The following PLEKHG4B variants were observed in gnomAD, a reference collection of about 807,000 sequenced individuals.
The protein encoded by PLEKHG4B is pleckstrin homology domain-containing family G member 4B.
PLEKHG4B carries 111 observed loss-of-function variants against 121.3 expected under a neutral mutation model. The observed-to-expected ratio is 0.92, with a 90% CI of 0.78 to 1.07. The LOEUF (loss-of-function observed/expected upper bound fraction) is 1.07. Among genes scored for constraint, PLEKHG4B ranks in the 50% least tolerant of loss-of-function variants. The pLI is 0.00. For missense variants in PLEKHG4B, 1,831 were observed against 1,757.8 expected (o/e 1.04, Z -0.74); for synonymous variants, 738 against 725.0 (o/e 1.02, Z -0.29).
chr5:143,438 G>A lies in PLEKHG4B; in HGVS notation c.1746G>A (p.Trp582Ter). The change falls in exon 5 of 20, where the codon TGG becomes TGA. Residue 582 changes from tryptophan to a stop codon, truncating the protein, a stop_gained. Coordinates refer to ENST00000637938, the MANE Select transcript of PLEKHG4B (RefSeq NM_052909.5). LOFTEE classifies it high-confidence loss of function. ...AGGTCCGCACCAGGAGCCTGCTCTG[G>A]ACCAGGGAACACTCGTCCTGTGCTG... ...VVQVRTRSLL[W>*]TREHSSCAEL... 2.5e-6 allele frequency: 4 copies of A among 1,612,904 alleles called. No homozygotes were observed. The highest frequency in any genetic ancestry group is 3.4e-6 in the Non-Finnish European group (4 of 1,180,002).
At chr5:169,185 T>G (rs1736452072) in intron 13 of PLEKHG4B, 155 bp from the exon 14 acceptor site, 3 of 1,050,742 alleles carry the variant, frequency 2.9e-6, no homozygotes, top group Non-Finnish European at 2.7e-6. Context: ...GAAGCTTTTT[T>G]ATCGTGCATC....
chr5:99,170 G>GTATATATATATATA (rs534174768), intron 1 of PLEKHG4B, among the ~76,000 whole-genome samples: 10 of 100,496 alleles, frequency 1.0e-4, no homozygotes, highest in South Asian at 3.6e-4. Context: ...AAAAAAAAGT[G>GTATATATATATATA]TATATATATA....
chr5:177,263 C>T (rs1282808470), intron 18 of PLEKHG4B, among the ~76,000 whole-genome samples: 2 of 152,288 alleles, frequency 1.3e-5, no homozygotes, highest in Middle Eastern at 3.4e-3. Context: ...TTTAGGACTA[C>T]AGGCTTTCCC....
Position 159,213 on chromosome 5 carries a change from G to A in PLEKHG4B, c.2487+2302G>A, listed in dbSNP as rs1463010811. Among the ~76,000 whole-genome samples the A allele has an allele frequency of 1.7e-5, 2 of 120,774 alleles. No homozygotes were observed. Among genetic ancestry groups the A allele is most frequent in the Non-Finnish European group, 3.4e-5 (2 of 58,488 alleles). 79.2% of individuals were successfully genotyped at this position (120,774 alleles called of 152,430 possible). ...GTGTGCCTGAGGGTGGCCCAGGTGTGCCTGAGGGTCGCCCAGGTGCACTGA... is the reference window on the plus strand; with the variant it reads ...GTGTGCCTGAGGGTGGCCCAGGTGTACCTGAGGGTCGCCCAGGTGCACTGA... On this transcript the variant is annotated intron_variant, in intron 11 of 19. Transcript: ENST00000637938. The surrounding 1 kb of genome is among the most constrained non-coding windows in gnomAD (Gnocchi z 5.5).
chr5:137,850 C>T lies in PLEKHG4B; in HGVS notation c.244-1633C>T, dbSNP rs543879093. Among the ~76,000 whole-genome samples, 4 of 152,354 alleles carry T rather than the reference C, an allele frequency of 2.6e-5. No individual in the cohort carries two copies. The South Asian group carries it at 8.3e-4, about 32-fold the overall frequency. ...GAGGCCCTTATGGACCGGCAGGTACCTGTCTCTTCTGGGGTGAAACCTGTG... is the reference window on the plus strand; with the variant it reads ...GAGGCCCTTATGGACCGGCAGGTACTTGTCTCTTCTGGGGTGAAACCTGTG... On this transcript the variant is annotated intron_variant, in intron 2 of 19. Transcript: ENST00000637938. The surrounding 1 kb of genome is among the most constrained non-coding windows in gnomAD (Gnocchi z 4.2).
At chr5:99,228 G>T (rs1437929510) in intron 1 of PLEKHG4B, among the ~76,000 whole-genome samples, 8 of 136,494 alleles carry the variant, frequency 5.9e-5, no homozygotes, top group African/African-American at 2.2e-4. Flanking sequence ...CGATTTTGGG[G>T]CCCTTGCAAT....
At chr5:98,939 G>C (rs1733713567) in intron 1 of PLEKHG4B, among the ~76,000 whole-genome samples, 1 of 133,108 alleles carries the variant, frequency 7.5e-6, no homozygotes, top group African/African-American at 2.8e-5. Context: ...GGTGGATCAT[G>C]AGGTCAGGAG....
In PLEKHG4B at chr5:189,708, A is replaced by T. The variant is rs1029734796; in HGVS notation, c.*7385A>T. The T allele has an allele frequency of 6.7e-6, 1 of 148,168 alleles. No homozygotes were observed. The highest frequency in any genetic ancestry group is 2.6e-5 in the African/African-American group (1 of 38,094). 9.2% of individuals were successfully genotyped at this position (148,168 alleles called of 1,614,324 possible). A position where few individuals can be genotyped will look rare whatever the true frequency, so the allele number is the denominator to read the frequency against. On this transcript the variant is annotated 3_prime_UTR_variant, in exon 20 of 20. Coordinates refer to ENST00000637938, the MANE Select transcript of PLEKHG4B (RefSeq NM_052909.5). ...CTAAAAGAAGGGAAAACAGTAAGCG[A>T]GAGGGAGGCTGCAGGGGCCCAGACC...
At chr5:135,463 A>T (rs1734930894) in intron 2 of PLEKHG4B, among the ~76,000 whole-genome samples, 1 of 149,810 alleles carries the variant, frequency 6.7e-6, no homozygotes, top group African/African-American at 2.5e-5. Context: ...CAGCAGATCG[A>T]GACCATCCTG....
At chr5:128,026 G>T (rs967881520) in intron 2 of PLEKHG4B, among the ~76,000 whole-genome samples, 4 of 152,164 alleles carry the variant, frequency 2.6e-5, no homozygotes, top group African/African-American at 7.2e-5. Context: ...GGAGTGTTCA[G>T]GTAAAGATAA....
chr5:118,606 A>G (rs1734374497), intron 2 of PLEKHG4B, among the ~76,000 whole-genome samples: 1 of 152,136 alleles, frequency 6.6e-6, no homozygotes. Flanking sequence ...GTTGGAATCA[A>G]CCTCTTCTAA....
rs142558411 is a variant in PLEKHG4B, at chr5:159,012, G to A, written c.2487+2101G>A. Among the ~76,000 whole-genome samples the A allele has an allele frequency of 2.7e-3, 417 of 152,028 alleles. 4 individuals carry two copies. The highest frequency in any genetic ancestry group is 9.5e-3 in the African/African-American group (394 of 41,462). On this transcript the variant is annotated intron_variant, in intron 11 of 19. Coordinates refer to ENST00000637938, the MANE Select transcript of PLEKHG4B (RefSeq NM_052909.5). This position sits in a 1 kb window ranked among gnomAD's most constrained non-coding sequence, Gnocchi z 5.5. The stretch of plus-strand genomic sequence containing the variant: ...TCACTTTAGTTTCCCTTCGCCAGCT[G>A]GAAGGCCCTGCGCCTGTGCTTAGCT...
At chr5:114,018 A>G (rs1173600038) in intron 2 of PLEKHG4B, among the ~76,000 whole-genome samples, 1 of 152,258 alleles carries the variant, frequency 6.6e-6, no homozygotes, top group East Asian at 1.9e-4. Flanking sequence ...TTACGTTTAC[A>G]CTATAGTCTA....
At chr5:155,975 T>G in intron 9 of PLEKHG4B, 96 bp from the exon 10 acceptor site, 1 of 1,263,774 alleles carries the variant, frequency 7.9e-7, no homozygotes, top group Non-Finnish European at 1.1e-6. Context: ...TGCAGCTTGA[T>G]TTATGGAAAC....
chr5:99,201 TATATATATA>T (rs1733727401), intron 1 of PLEKHG4B, among the ~76,000 whole-genome samples: 1 of 132,622 alleles, frequency 7.5e-6, no homozygotes, highest in Non-Finnish European at 1.6e-5. Flanking sequence ...TATATATATA[TATATATATA>T]TATTTTGCGA....
chr5:131,329 C>G (rs939540963), intron 2 of PLEKHG4B, among the ~76,000 whole-genome samples: 8 of 152,164 alleles, frequency 5.3e-5, no homozygotes, highest in African/African-American at 1.9e-4. Flanking sequence ...TCTCATTGTT[C>G]AATTCCCACC....
Position 154,906 on chromosome 5 carries a change from A to T in PLEKHG4B, c.2024A>T (p.His675Leu). The T allele has an allele frequency of 6.2e-7, 1 of 1,613,776 alleles. No individual in the cohort carries two copies. The highest frequency in any genetic ancestry group is 8.5e-7 in the Non-Finnish European group (1 of 1,179,968). ...GTCGTGAGCTCCCTGAAGGCCGTGC[A>T]CAAATTTGTTGACAGCTGCCAGCTG... Reference protein sequence around the residue: ...CEVVSSLKAVHKFVDSCQLTA... With the variant: ...CEVVSSLKAVLKFVDSCQLTA... The change falls in exon 8 of 20, where the codon CAC (histidine) becomes CTC (leucine). Residue 675 changes from histidine (H) to leucine (L), a missense_variant. His to Leu is a moderately conservative substitution (Grantham distance 99). Transcript: ENST00000637938.
intron 6 of PLEKHG4B, among the ~76,000 whole-genome samples, chr5:150,039 C>T (rs1442870390): frequency 3.3e-5 from 5 of 152,184 alleles, no homozygotes; most frequent in Non-Finnish European, 5.9e-5. Context: ...AAATTGAAAG[C>T]AGAGTTTCAG....
intron 2 of PLEKHG4B, among the ~76,000 whole-genome samples, chr5:135,702 T>TATATATATATATATAC (rs1560918243): frequency 1.7e-4 from 14 of 81,516 alleles, no homozygotes; most frequent in African/African-American, 9.0e-4. Flanking sequence ...TATATATATA[T>TATATATATATATATAC]ATATATATAT....
Sources: gnomAD v4.1 joint callset for allele counts (sites outside exome capture counted in the v4.1 genomes callset) on GRCh38, gnomAD v4.1.1 for gene constraint, Gnocchi (gnomAD v3.1) non-coding constraint, MANE v1.5 for transcripts, NCBI Gene and HGNC (gene_info 2026-07-23, HGNC 2026-07-21) for gene names.